Variants in CASK observed in about 807,000 individuals in gnomAD.
CASK encodes the protein peripheral plasma membrane protein CASK.
CASK carries 4 observed loss-of-function variants against 82.9 expected under a neutral mutation model. That is an observed-to-expected ratio of 0.05 (90% CI 0.02 to 0.11). The LOEUF (loss-of-function observed/expected upper bound fraction) is 0.11. Ranked by LOEUF, CASK falls within the 10% of genes least tolerant of loss-of-function variation. The pLI is 1.00. For synonymous variants in CASK, 259 were observed against 253.5 expected, an observed-to-expected ratio of 1.02 and a Z score of -0.20; for missense variants, 358 against 720.9, an observed-to-expected ratio of 0.50 and a Z score of 5.76.
intron 8 of CASK, among the ~76,000 whole-genome samples, chrX:41,648,274 C>T (rs900829383): frequency 3.6e-5 from 4 of 111,083 alleles, no homozygotes; most frequent in South Asian, 3.8e-4. Context: ...AGGAAATTCC[C>T]GCCTAATAGA....
At chrX:41,736,539 CAAACAAAAAAA>C (rs2068503477) in intron 5 of CASK, among the ~76,000 whole-genome samples, 1 of 111,506 alleles carries the variant, frequency 9.0e-6, no homozygotes, top group Non-Finnish European at 1.9e-5. Context: ...AAACAAAAAA[CAAACAAAAAAA>C]GAATATCAAC....
At chrX:41,770,432 G>A (rs2069222131) in intron 3 of CASK, among the ~76,000 whole-genome samples, 1 of 110,065 alleles carries the variant, frequency 9.1e-6, no homozygotes, top group Admixed American at 9.8e-5. Flanking sequence ...TTTTTGAGAT[G>A]GAGTTTTGCT....
intron 8 of CASK, among the ~76,000 whole-genome samples, chrX:41,645,817 T>C (rs1257376300): frequency 1.8e-5 from 2 of 111,450 alleles, no homozygotes; most frequent in African/African-American, 3.3e-5. Flanking sequence ...ATACTTTCTG[T>C]CTCACCAGTT....
chrX:41,852,508 CAAAAT>C (rs1378635100), intron 2 of CASK, among the ~76,000 whole-genome samples: 3 of 111,264 alleles, frequency 2.7e-5, no homozygotes, highest in African/African-American at 9.8e-5. Flanking sequence ...AAAAAACAAA[CAAAAT>C]AAAACTTTAA....
chrX:41,771,492 T>C (rs2069243896), intron 3 of CASK, among the ~76,000 whole-genome samples: 1 of 111,855 alleles, frequency 8.9e-6, no homozygotes, highest in South Asian at 3.7e-4. Context: ...GGGATTTATG[T>C]TTTTATACAC....
In CASK at chrX:41,844,310, T is replaced by C. The variant is rs761143593; in HGVS notation, c.172+8805A>G. 1.5e-3 allele frequency among the ~76,000 whole-genome samples: 165 copies of C among 111,807 alleles called. 1 individual carries two copies. Among genetic ancestry groups the C allele is most frequent in the African/African-American group, 5.2e-3 (160 of 30,874 alleles). On this transcript the variant is annotated intron_variant, in intron 2 of 26. Coordinates refer to ENST00000378163, the MANE Select transcript of CASK (RefSeq NM_001367721.1). ...GAATTATATGAATTCTATAAACATG[T>C]AGTAGAATTCACCATTAAGCTATCT... is the stretch of plus-strand genomic sequence containing the variant.
chrX:41,758,723 A>G (rs2068942272), intron 3 of CASK, among the ~76,000 whole-genome samples: 1 of 112,214 alleles, frequency 8.9e-6, no homozygotes, highest in Admixed American at 9.4e-5. Context: ...GGATATAATC[A>G]TATTTTTTCA....
intron 2 of CASK, chrX:41,790,091 G>T: frequency 2.8e-6 from 1 of 358,620 alleles, no homozygotes; most frequent in Non-Finnish European, 4.2e-6. Context: ...CACTATGCCT[G>T]GCTAATTTTT....
intron 11 of CASK, among the ~76,000 whole-genome samples, chrX:41,619,905 A>T (rs2066260677): frequency 8.9e-6 from 1 of 112,129 alleles, no homozygotes; most frequent in Non-Finnish European, 1.9e-5. Flanking sequence ...TCTATCCATC[A>T]GTTCACGTAT....
intron 1 of CASK, among the ~76,000 whole-genome samples, chrX:41,893,537 C>G (rs968862549): frequency 5.4e-5 from 6 of 111,458 alleles, no homozygotes; most frequent in African/African-American, 2.0e-4. Context: ...TCAAGAGAGA[C>G]CAGAAAGATT....
chrX:41,531,282 T>C, intron 24 of CASK, 73 bp from the exon 25 acceptor site: 1 of 794,139 alleles, frequency 1.3e-6, no homozygotes, highest in Non-Finnish European at 1.9e-6. Context: ...ACAGATTTAC[T>C]CAAACCCAGT....
chrX:41,896,080 C>G (rs1311901750), intron 1 of CASK, among the ~76,000 whole-genome samples: 1 of 111,553 alleles, frequency 9.0e-6, no homozygotes, highest in African/African-American at 3.3e-5. Context: ...TTACTGAAAA[C>G]AAGGGTTAAA....
At position 41,696,763 on chromosome X, in the gene CASK, G is replaced by A. The variant is rs749253021; in HGVS notation, c.430-25233C>T. 3.4e-6 allele frequency: 4 copies of A among 1,159,919 alleles called. No individual in the cohort carries two copies. In the South Asian group the frequency reaches 8.0e-5, roughly 23 times the overall value. ...TCTGTGGCAGTGAAAATACAGTCTA[G>A]TTCTAAAAGTACTTGAGGTAAACAT... On this transcript the variant is annotated intron_variant, in intron 5 of 26. Transcript: ENST00000378163.
intron 3 of CASK, among the ~76,000 whole-genome samples, chrX:41,751,443 G>A (rs1397853412): frequency 9.1e-6 from 1 of 110,403 alleles, no homozygotes; most frequent in Non-Finnish European, 1.9e-5. Flanking sequence ...TATAGTGAGT[G>A]AAAAACTAGT....
chrX:41,864,285 T>C (rs1027089793), intron 1 of CASK, among the ~76,000 whole-genome samples: 6 of 111,779 alleles, frequency 5.4e-5, no homozygotes, highest in African/African-American at 1.9e-4. Context: ...GAAACAAAAA[T>C]GTAATTACCT....
intron 5 of CASK, among the ~76,000 whole-genome samples, chrX:41,722,945 A>C (rs533633381): frequency 2.7e-5 from 3 of 112,171 alleles, no homozygotes; most frequent in East Asian, 5.6e-4. Flanking sequence ...TACATTACTG[A>C]AGTAAAAGTG....
chrX:41,749,982 TTA>T (rs1200107388), intron 3 of CASK, among the ~76,000 whole-genome samples: 1 of 111,010 alleles, frequency 9.0e-6, no homozygotes, highest in Non-Finnish European at 1.9e-5. Context: ...CTTTCAGCCA[TTA>T]TATGTTTTTT....
chrX:41,568,954 G>A (rs1381561799), intron 16 of CASK, among the ~76,000 whole-genome samples: 1 of 111,427 alleles, frequency 9.0e-6, no homozygotes, highest in Non-Finnish European at 1.9e-5. Context: ...CCAAGATTGT[G>A]CCATTGCACA....
chrX:41,721,189 C>G (rs1034925290), intron 5 of CASK, among the ~76,000 whole-genome samples: 24 of 110,357 alleles, frequency 2.2e-4, no homozygotes, highest in African/African-American at 7.3e-4. Context: ...CCAAAGAAAA[C>G]TATTGGTGAT....
Sources: gnomAD v4.1 joint callset for allele counts (sites outside exome capture counted in the v4.1 genomes callset) on GRCh38, gnomAD v4.1.1 for gene constraint, MANE v1.5 for transcripts, NCBI Gene and HGNC (gene_info 2026-07-23, HGNC 2026-07-21) for gene names.